The following RPN2 variants were observed in gnomAD, a reference collection of about 807,000 sequenced individuals.
RPN2 encodes ribophorin II.
A neutral mutation model predicts 71.4 loss-of-function variants in RPN2; 29 were observed. The ratio of observed to expected loss-of-function variants is 0.41; its 90% confidence interval spans 0.30 to 0.55. RPN2 has a LOEUF of 0.55. Among genes scored for constraint, RPN2 ranks in the 20% least tolerant of loss-of-function variants. The pLI is 0.35. For synonymous variants in RPN2, 308 were observed against 305.0 expected, an observed-to-expected ratio of 1.01 and a Z score of -0.10; for missense variants, 726 against 774.1, an observed-to-expected ratio of 0.94 and a Z score of 0.74.
intron 2 of RPN2, among the ~76,000 whole-genome samples, chr20:37,189,962 G>A (rs924873861): frequency 1.3e-5 from 2 of 152,188 alleles, no homozygotes; most frequent in Admixed American, 1.3e-4. Flanking sequence ...GTCTTTAGAG[G>A]CCCTGGGGAG....
intron 4 of RPN2, among the ~76,000 whole-genome samples, chr20:37,203,551 A>G (rs1006577809): frequency 2.6e-5 from 4 of 152,032 alleles, no homozygotes; most frequent in Non-Finnish European, 4.4e-5. Flanking sequence ...CATCTTACCC[A>G]GGCTGGTCTT....
rs961304713 is a variant in RPN2, at chr20:37,183,481, G to A, written c.14-699G>A. ...GATCCACCTGCCTCGGCCTCCCAAA[G>A]TGCTGGCCCGGCCAGATCTTTCTGT... On this transcript the variant is annotated intron_variant, in intron 1 of 16. Transcript: ENST00000237530. Among the ~76,000 whole-genome samples the A allele has an allele frequency of 3.7e-4, 56 of 152,320 alleles. 1 individual carries two copies. The highest frequency in any genetic ancestry group is 7.3e-5 in the Non-Finnish European group (5 of 68,030).
chr20:37,179,482 G>T, intron 1 of RPN2, 113 bp downstream of exon 1: 2 of 1,348,466 alleles, frequency 1.5e-6, no homozygotes, highest in Non-Finnish European at 9.6e-7. Context: ...CAGGGGCATG[G>T]GCACAAGCTC....
intron 4 of RPN2, among the ~76,000 whole-genome samples, chr20:37,203,361 C>CTTTTTTTTTTTTTTTTTTTTTTTT (rs11348988): frequency 7.2e-6 from 1 of 138,116 alleles, no homozygotes. Context: ...TTGCTTCAAT[C>CTTTTTTTTTTTTTTTTTTTTTTTT]TTTTTTTTTT....
chr20:37,207,650 T>TA (rs869213658), intron 7 of RPN2, among the ~76,000 whole-genome samples: 1 of 152,122 alleles, frequency 6.6e-6, no homozygotes, highest in Non-Finnish European at 1.5e-5. Context: ...TCAAATCTAT[T>TA]AAAAAAATTT....
In RPN2 at chr20:37,233,374, A is replaced by G. The variant is rs565715021; in HGVS notation, c.1678-646A>G. ...GCCAATTGTGTTTTTCTCTTTTTTC[A>G]AATTATAAACAAACATGAATGCATA... is the stretch of plus-strand genomic sequence containing the variant. On this transcript the variant is annotated intron_variant, in intron 14 of 16. Transcript: ENST00000237530. Among the ~76,000 whole-genome samples, 52 of 151,956 alleles carry G rather than the reference A, an allele frequency of 3.4e-4. No homozygotes were observed. In the East Asian group the frequency reaches 7.7e-3, roughly 23 times the overall value.
chr20:37,229,915 T>C, intron 12 of RPN2, 58 bp from the exon 13 acceptor site: 1 of 1,259,582 alleles, frequency 7.9e-7, no homozygotes, highest in South Asian at 1.2e-5. Flanking sequence ...ATATTATCTA[T>C]TGAGTTTCAC....
chr20:37,180,430 C>G (rs950391205), intron 1 of RPN2, among the ~76,000 whole-genome samples: 1 of 152,190 alleles, frequency 6.6e-6, no homozygotes, highest in Admixed American at 6.5e-5. Context: ...CAAAGCACAG[C>G]ATAGCGTGGG....
chr20:37,186,482 A>G (rs1461010941), intron 2 of RPN2, among the ~76,000 whole-genome samples: 2 of 152,088 alleles, frequency 1.3e-5, no homozygotes, highest in African/African-American at 4.8e-5. Context: ...TATTCTATTT[A>G]TTTATTTATT....
intron 9 of RPN2, among the ~76,000 whole-genome samples, chr20:37,215,308 TA>T (rs1335870980): frequency 6.6e-6 from 1 of 152,224 alleles, no homozygotes; most frequent in African/African-American, 2.4e-5. Context: ...CACTTGCATT[TA>T]AAGTTTGGCA....
At chr20:37,189,025 G>C (rs13037776) in intron 2 of RPN2, among the ~76,000 whole-genome samples, 116,918 of 151,884 alleles carry the variant, frequency 0.77, 45,453 homozygotes, top group Middle Eastern at 0.89. Context: ...CCTCCGCCTC[G>C]TAGGTTCAAG....
intron 6 of RPN2, among the ~76,000 whole-genome samples, chr20:37,206,114 AT>A (rs1305591054): frequency 1.3e-5 from 2 of 152,208 alleles, no homozygotes; most frequent in Non-Finnish European, 2.9e-5. Flanking sequence ...TGGATGGTAG[AT>A]TTTAAAAAAC....
At chr20:37,236,089 C>CTCTTTGTGGGTG (rs2068378926) in intron 15 of RPN2, among the ~76,000 whole-genome samples, 1 of 56,786 alleles carries the variant, frequency 1.8e-5, no homozygotes, top group Non-Finnish European at 4.1e-5. Context: ...ATTGTTACCC[C>CTCTTTGTGGGTG]TGTTTGTGGG....
At chr20:37,210,187 GT>G (rs2067623738) in intron 8 of RPN2, 22 bp downstream of exon 8, 1 of 1,613,094 alleles carries the variant, frequency 6.2e-7, no homozygotes. Context: ...TCATATTTTG[GT>G]GGGGCGCTGA....
intron 10 of RPN2, 64 bp downstream of exon 10, chr20:37,224,033 A>G: frequency 7.2e-7 from 1 of 1,382,922 alleles, no homozygotes; most frequent in Non-Finnish European, 1.0e-6. Context: ...GAGTATGCCT[A>G]GGCACTGAGC....
Position 37,228,570 on chromosome 20 carries a change from C to G in RPN2, c.1320C>G (p.Asn440Lys). The G allele has an allele frequency of 6.2e-7, 1 of 1,614,180 alleles. No individual in the cohort carries two copies. Among genetic ancestry groups the G allele is most frequent in the Non-Finnish European group, 8.5e-7 (1 of 1,180,012 alleles). ...TCTAGACATTTGTCCGACTCCATAA[C>G]CAGAAGACTGGCCAGGAAGTGGTGT... ...TPHQTFVRLHNQKTGQEVVFV... is the reference protein window; with the variant it reads ...TPHQTFVRLHKQKTGQEVVFV... Residue 440 changes from asparagine to lysine, a missense_variant, in exon 12 of 17, where the codon AAC (asparagine) becomes AAG (lysine). Coordinates refer to ENST00000237530, the MANE Select transcript of RPN2 (RefSeq NM_002951.5).
chr20:37,215,473 T>G (rs889273055), intron 9 of RPN2, among the ~76,000 whole-genome samples: 21 of 152,252 alleles, frequency 1.4e-4, no homozygotes, highest in African/African-American at 5.1e-4. Context: ...AATGTTAGTT[T>G]CCTATGTTAA....
intron 4 of RPN2, among the ~76,000 whole-genome samples, chr20:37,200,008 T>A (rs907298283): frequency 9.9e-5 from 15 of 151,932 alleles, no homozygotes; most frequent in Admixed American, 7.9e-4. Flanking sequence ...TTTTTTTTTT[T>A]TTTTGAGACG....
chr20:37,239,920 G>A (rs2068508688), intron 16 of RPN2, among the ~76,000 whole-genome samples: 1 of 151,976 alleles, frequency 6.6e-6, no homozygotes, highest in African/African-American at 2.4e-5. Flanking sequence ...TTCTTTTCTT[G>A]ATTAAAAAGA....
Sources: gnomAD v4.1 joint callset for allele counts (sites outside exome capture counted in the v4.1 genomes callset) on GRCh38, gnomAD v4.1.1 for gene constraint, MANE v1.5 for transcripts, NCBI Gene and HGNC (gene_info 2026-07-23, HGNC 2026-07-21) for gene names.